The following CFAP100 variants were observed in gnomAD, a reference collection of about 807,000 sequenced individuals.
CFAP100 encodes the protein cilia- and flagella-associated protein 100.
Under a neutral mutation model 81.5 loss-of-function variants are expected in CFAP100, and 70 were observed. The ratio of observed to expected loss-of-function variants is 0.86; its 90% CI spans 0.71 to 1.05. The LOEUF (loss-of-function observed/expected upper bound fraction) is 1.05. CFAP100 is among the 50% of genes least tolerant of loss of function. The pLI, the probability that CFAP100 is intolerant of heterozygous loss-of-function variation, is 0.00. For missense variants in CFAP100, 811 were observed against 776.5 expected (o/e 1.04, Z -0.53); for synonymous variants, 341 against 314.8 (o/e 1.08, Z -0.88).
chr3:126,421,602 C>T (rs781329402), intron 11 of CFAP100, among the ~76,000 whole-genome samples: 1 of 152,188 alleles, frequency 6.6e-6, no homozygotes, highest in Non-Finnish European at 1.5e-5. Flanking sequence ...CTCTCCTCCA[C>T]GGGGCCTTTA....
chr3:126,400,388 C>T (rs926710443), intron 2 of CFAP100, among the ~76,000 whole-genome samples: 25 of 152,012 alleles, frequency 1.6e-4, no homozygotes, highest in Admixed American at 4.6e-4. Context: ...CAGGTGTTGG[C>T]GAGGATGTGG....
Position 126,418,667 on chromosome 3 carries a change from AGAG to A in CFAP100, c.548_550del (p.Glu183del). On this transcript the variant is annotated inframe_deletion, in exon 7 of 17. Transcript: ENST00000352312. Reference sequence around the variant, plus strand: ...AGCGGCTGGAGACGCTGGCGACCAAAGAGGAGGCCAGGCTGGAGCGGGCCGAGA... The same window carrying A: ...AGCGGCTGGAGACGCTGGCGACCAAAGAGGCCAGGCTGGAGCGGGCCGAGA... 6.3e-7 allele frequency: 1 copy of A among 1,583,182 alleles called. No homozygotes were observed. The highest frequency in any genetic ancestry group is 8.6e-7 in the Non-Finnish European group (1 of 1,166,490).
intron 2 of CFAP100, among the ~76,000 whole-genome samples, chr3:126,398,879 G>A (rs112199721): frequency 3.5e-4 from 54 of 152,298 alleles, no homozygotes; most frequent in African/African-American, 1.2e-3. Context: ...AGACGGAGGC[G>A]CCTGCTCTCT....
intron 13 of CFAP100, among the ~76,000 whole-genome samples, chr3:126,425,251 A>G: frequency 6.6e-6 from 1 of 152,250 alleles, no homozygotes; most frequent in Non-Finnish European, 1.5e-5. Flanking sequence ...GCCATCCCTG[A>G]GAGCACCCAT....
intron 11 of CFAP100, 147 bp from the exon 12 acceptor site, chr3:126,423,178 C>T (rs1033764235): frequency 2.2e-5 from 14 of 622,242 alleles, no homozygotes; most frequent in Non-Finnish European, 3.4e-5. Context: ...TGTGAGGAAG[C>T]TGGTGCTGCC....
intron 3 of CFAP100, among the ~76,000 whole-genome samples, chr3:126,408,620 T>C (rs1402727974): frequency 1.3e-5 from 2 of 152,186 alleles, no homozygotes; most frequent in Non-Finnish European, 2.9e-5. Flanking sequence ...CCCCAGGTGC[T>C]TGACTAGATC....
At position 126,436,296 on chromosome 3, in the gene CFAP100, C is replaced by T. The variant is rs1933444174; in HGVS notation, c.1728C>T (p.Gly576=). The T allele has an allele frequency of 6.2e-7, 1 of 1,613,306 alleles. No homozygotes were observed. The highest frequency in any genetic ancestry group is 8.5e-7 in the Non-Finnish European group (1 of 1,179,446). ...TGGGCTTGTTTCCCCTGCAGAGAGG[C>T]AGGACACTGGTATGCCGCTCACGAC... is the stretch of plus-strand genomic sequence containing the variant. The part of the protein sequence containing the change: ...RAQAEIKKKR[G]RTLVCRSRPP... Residue 576 remains glycine, a synonymous_variant, in exon 17 of 17, where the codon GGC becomes GGT. Coordinates refer to ENST00000352312, the MANE Select transcript of CFAP100 (RefSeq NM_182628.3).
chr3:126,419,941 C>A lies in CFAP100; in HGVS notation c.914-39C>A, dbSNP rs571233699. 4 of 1,612,746 alleles carry A rather than the reference C, an allele frequency of 2.5e-6. No homozygotes were observed. The East Asian group carries it at 8.9e-5, about 36-fold the overall frequency. On this transcript the variant is annotated intron_variant, in intron 9 of 16. Transcript: ENST00000352312. ...ACATGGCGTTGCTGAAGCTTGGCTG[C>A]AGCTGAGGCCATCGGGGCCCCCCCT...
chr3:126,419,019 A>C, intron 7 of CFAP100, 57 bp from the exon 8 acceptor site: 1 of 1,140,316 alleles, frequency 8.8e-7, no homozygotes, highest in Non-Finnish European at 1.3e-6. Flanking sequence ...CCCCTCTTTA[A>C]TAGGCTGCCA....
chr3:126,413,936 G>A (rs997903685), intron 3 of CFAP100, 149 bp from the exon 4 acceptor site: 5 of 693,860 alleles, frequency 7.2e-6, no homozygotes, highest in Non-Finnish European at 1.3e-5. Context: ...GTCCAGGGTT[G>A]GACTTTAGGC....
intron 11 of CFAP100, 149 bp downstream of exon 11, chr3:126,420,378 C>T (rs1189458571): frequency 3.5e-6 from 4 of 1,157,382 alleles, no homozygotes; most frequent in African/African-American, 1.5e-5. Context: ...AGGGACGTCC[C>T]AGGCCGGCCA....
intron 15 of CFAP100, chr3:126,434,698 A>T: frequency 3.3e-6 from 1 of 305,630 alleles, no homozygotes; most frequent in Non-Finnish European, 6.2e-6. Context: ...AAATACATGG[A>T]ACAGCAGTGG....
rs2107606768 is a variant in CFAP100, at chr3:126,419,213, T to C, written c.731+57T>C. The stretch of plus-strand genomic sequence containing the variant: ...GGCCCACCTCCTGGTCCCTCAGTCA[T>C]TTTGCCTGGCCAAGGGAAGCCTAGC... On this transcript the variant is annotated intron_variant, in intron 8 of 16. Coordinates refer to ENST00000352312, the MANE Select transcript of CFAP100 (RefSeq NM_182628.3). 6.6e-6 allele frequency: 8 copies of C among 1,217,096 alleles called. No homozygotes were observed. In the East Asian group the frequency reaches 2.0e-4, roughly 31 times the overall value. The allele number at this position is 1,217,096 out of a possible 1,614,324, so 75.4% of individuals were successfully genotyped here.
At chr3:126,433,040 G>A (rs1289776709) in intron 13 of CFAP100, 29 bp from the exon 14 acceptor site, 4 of 1,613,172 alleles carry the variant, frequency 2.5e-6, no homozygotes, top group Non-Finnish European at 3.4e-6. Flanking sequence ...CTGAGTGACT[G>A]ATGCCCTGCC....
At chr3:126,406,949 G>A (rs985170345) in intron 2 of CFAP100, among the ~76,000 whole-genome samples, 1 of 152,230 alleles carries the variant, frequency 6.6e-6, no homozygotes, top group African/African-American at 2.4e-5. Context: ...CCGTGCACCA[G>A]GCACAGGTGC....
At chr3:126,399,944 T>C (rs543436716) in intron 2 of CFAP100, among the ~76,000 whole-genome samples, 1 of 152,272 alleles carries the variant, frequency 6.6e-6, no homozygotes, top group South Asian at 2.1e-4. Context: ...GGCTGTGTGT[T>C]TGATTGCTGA....
intron 15 of CFAP100, 51 bp from the exon 16 acceptor site, chr3:126,435,508 A>G (rs1263722246): frequency 6.6e-7 from 1 of 1,523,048 alleles, no homozygotes; most frequent in Non-Finnish European, 9.0e-7. Flanking sequence ...TGGAGATTAC[A>G]CAACACCTTC....
intron 2 of CFAP100, among the ~76,000 whole-genome samples, chr3:126,399,629 T>C (rs2082940416): frequency 6.6e-6 from 1 of 152,162 alleles, no homozygotes; most frequent in South Asian, 2.1e-4. Flanking sequence ...AAGCCACTCA[T>C]TGACAACAGG....
intron 2 of CFAP100, among the ~76,000 whole-genome samples, chr3:126,405,705 A>G (rs1367139844): frequency 6.6e-6 from 1 of 152,070 alleles, no homozygotes; most frequent in East Asian, 1.9e-4. Flanking sequence ...AGGTAGCAAG[A>G]GCTTCAGGTG....
Sources: gnomAD v4.1 joint callset for allele counts (sites outside exome capture counted in the v4.1 genomes callset) on GRCh38, gnomAD v4.1.1 for gene constraint, MANE v1.5 for transcripts, NCBI Gene and HGNC (gene_info 2026-07-23, HGNC 2026-07-21) for gene names.